The following CNPY3 variants were observed in gnomAD, a reference collection of about 807,000 sequenced individuals.
CNPY3 encodes the protein canopy FGF signaling regulator 3.
In CNPY3, 20 loss-of-function variants were observed where a neutral mutation model predicts 32.0. The ratio of observed to expected loss-of-function variants is 0.63; its 90% confidence interval spans 0.44 to 0.91. CNPY3 has a LOEUF of 0.91. CNPY3 is among the 40% of genes least tolerant of loss of function. The pLI is 0.00. For synonymous variants in CNPY3, 138 were observed against 142.9 expected, an observed-to-expected ratio of 0.97 and a Z score of 0.24; for missense variants, 299 against 340.8, an observed-to-expected ratio of 0.88 and a Z score of 0.97.
chr6:42,935,581 C>T lies in CNPY3; in HGVS notation c.283C>T (p.Arg95Trp), dbSNP rs1430096184. The stretch of plus-strand genomic sequence containing the variant: ...ATCCTCCTGTCTTGGCAGGGACTTG[C>T]GGTTAATCGAAGTCACTGAGACCAT... ...SGVKYTKSDL[R>W]LIEVTETICK... The change falls in exon 3 of 6, where the codon CGG becomes TGG. Residue 95 changes from arginine to tryptophan, a missense_variant. Coordinates refer to ENST00000372836, the MANE Select transcript of CNPY3 (RefSeq NM_006586.5). 2.5e-6 allele frequency: 4 copies of T among 1,608,012 alleles called. No individual in the cohort carries two copies. Among genetic ancestry groups the T allele is most frequent in the Non-Finnish European group, 3.4e-6 (4 of 1,175,158 alleles).
chr6:42,930,922 C>T (rs188627985), intron 1 of CNPY3, among the ~76,000 whole-genome samples: 1 of 151,918 alleles, frequency 6.6e-6, no homozygotes, highest in African/African-American at 2.4e-5. Flanking sequence ...GACTGTCTGG[C>T]TCTGTTGCCC....
chr6:42,932,627 G>A (rs1767912287), intron 1 of CNPY3, among the ~76,000 whole-genome samples: 1 of 152,216 alleles, frequency 6.6e-6, no homozygotes, highest in Non-Finnish European at 1.5e-5. Flanking sequence ...GGAGGGGCAA[G>A]TGGTGCTAGA....
chr6:42,935,583 G>C lies in CNPY3; in HGVS notation c.285G>C (p.Arg95=). The part of the protein sequence containing the change: ...SGVKYTKSDL[R]LIEVTETICK... The stretch of plus-strand genomic sequence containing the variant: ...CCTCCTGTCTTGGCAGGGACTTGCG[G>C]TTAATCGAAGTCACTGAGACCATTT... Residue 95 remains arginine, a synonymous_variant, in exon 3 of 6, where the codon CGG becomes CGC. Transcript: ENST00000372836. 6.2e-7 allele frequency: 1 copy of C among 1,608,742 alleles called. No individual in the cohort carries two copies. The highest frequency in any genetic ancestry group is 8.5e-7 in the Non-Finnish European group (1 of 1,175,586).
chr6:42,931,034 C>T (rs1049253409), intron 1 of CNPY3, among the ~76,000 whole-genome samples: 2 of 151,836 alleles, frequency 1.3e-5, no homozygotes, highest in Admixed American at 6.6e-5. Flanking sequence ...GGATTACAGG[C>T]GCATGCCACC....
In CNPY3 at chr6:42,938,565, T is replaced by C. The variant is rs1193492235; in HGVS notation, c.614-3T>C. ...TTGAGGGTCTCTCTCCTCCACACCCTAGGTTGCCTGGCAGAGCAGTGGTCC... is the reference window on the plus strand; with the variant it reads ...TTGAGGGTCTCTCTCCTCCACACCCCAGGTTGCCTGGCAGAGCAGTGGTCC... On this transcript the variant is annotated splice_polypyrimidine_tract_variant and splice_region_variant and intron_variant, in intron 5 of 5. Coordinates refer to ENST00000372836, the MANE Select transcript of CNPY3 (RefSeq NM_006586.5). The C allele has an allele frequency of 2.5e-6, 4 of 1,575,640 alleles. No individual in the cohort carries two copies. The highest frequency in any genetic ancestry group is 3.4e-6 in the Non-Finnish European group (4 of 1,159,688).
upstream of CNPY3, chr6:42,929,183 C>A (rs1767555351): frequency 1.8e-5 from 3 of 171,360 alleles, no homozygotes; most frequent in Non-Finnish European, 3.6e-5. Flanking sequence ...CTGAATCCGT[C>A]CCACCCAGGC....
At position 42,929,616 on chromosome 6, in the gene CNPY3, C is replaced by T. The variant is rs1222563565; in HGVS notation, c.46C>T (p.Pro16Ser). ...CGCGTCCCGCTGTCTTCTGCTTCTTCCCTTGCTGCTGCTGCTGCTGCTGCT... is the reference window on the plus strand; with the variant it reads ...CGCGTCCCGCTGTCTTCTGCTTCTTTCCTTGCTGCTGCTGCTGCTGCTGCT... Reference protein sequence around the residue: ...EPASRCLLLLPLLLLLLLLLP... With the variant: ...EPASRCLLLLSLLLLLLLLLP... Residue 16 changes from proline to serine, a missense_variant, in exon 1 of 6, where the codon CCC becomes TCC. Transcript: ENST00000372836. The T allele has an allele frequency of 4.5e-6, 7 of 1,567,580 alleles. No homozygotes were observed. The highest frequency in any genetic ancestry group is 5.2e-6 in the Non-Finnish European group (6 of 1,157,170).
chr6:42,931,605 C>T (rs372542218), intron 1 of CNPY3, among the ~76,000 whole-genome samples: 33 of 152,218 alleles, frequency 2.2e-4, no homozygotes, highest in African/African-American at 5.8e-4. Context: ...GGGTGATCCA[C>T]CCACCTTAGC....
In CNPY3 at chr6:42,939,239, A is replaced by C. The variant is rs774735762; in HGVS notation, c.*448A>C. ...TCTGCCTGGCCCTTCCCAGAGCCCA[A>C]AGAGTAAAAATGTTCTGGTTCTGAT... On this transcript the variant is annotated 3_prime_UTR_variant, in exon 6 of 6. Transcript: ENST00000372836. The C allele has an allele frequency of 2.0e-5, 20 of 990,280 alleles. 1 individual carries two copies. Among genetic ancestry groups the C allele is most frequent in the Admixed American group, 6.1e-5 (1 of 16,440 alleles). 61.3% of individuals were successfully genotyped at this position (990,280 alleles called of 1,614,324 possible).
At position 42,938,957 on chromosome 6, in the gene CNPY3, G is replaced by A. The variant is rs1030304629; in HGVS notation, c.*166G>A. Reference sequence around the variant, plus strand: ...CAAGCCCCAGGAAGAACTCAGAGCCGTCATGGGTAGCCCACGCCGTCCTTT... The same window carrying A: ...CAAGCCCCAGGAAGAACTCAGAGCCATCATGGGTAGCCCACGCCGTCCTTT... On this transcript the variant is annotated 3_prime_UTR_variant, in exon 6 of 6. Coordinates refer to ENST00000372836, the MANE Select transcript of CNPY3 (RefSeq NM_006586.5). 47 of 1,408,522 alleles carry A rather than the reference G, an allele frequency of 3.3e-5. No individual in the cohort carries two copies. The East Asian group carries it at 4.2e-4, about 12-fold the overall frequency. 87.3% of individuals were successfully genotyped at this position (1,408,522 alleles called of 1,614,324 possible). A position where few individuals can be genotyped will look rare whatever the true frequency, so the allele number is the denominator to read the frequency against.
At position 42,930,655 on chromosome 6, in the gene CNPY3, A is replaced by T. The variant is rs546046086; in HGVS notation, c.151+934A>T. On this transcript the variant is annotated intron_variant, in intron 1 of 5. Coordinates refer to ENST00000372836, the MANE Select transcript of CNPY3 (RefSeq NM_006586.5). ...ACCTTACAGTCATGCCTGCCTTCCT[A>T]GCCCCGTAACCCCAGGGCCCCCAGA... 2.0e-5 allele frequency among the ~76,000 whole-genome samples: 3 copies of T among 152,170 alleles called. No individual in the cohort carries two copies. In the East Asian group the frequency reaches 5.8e-4, roughly 29 times the overall value.
At chr6:42,934,631 C>T (rs367900204) in intron 2 of CNPY3, 33 bp downstream of exon 2, 13 of 1,611,940 alleles carry the variant, frequency 8.1e-6, no homozygotes, top group Admixed American at 1.7e-5. Flanking sequence ...GCCTGGCCTG[C>T]GTTGCTGCTG....
In CNPY3 at chr6:42,929,604, C is replaced by G. The variant is rs764751171; in HGVS notation, c.34C>G (p.Leu12Val). 6.4e-7 allele frequency: 1 copy of G among 1,569,864 alleles called. No homozygotes were observed. Among genetic ancestry groups the G allele is most frequent in the South Asian group, 1.2e-5 (1 of 86,238 alleles). Residue 12 changes from leucine to valine, a missense_variant, in exon 1 of 6, where the codon CTT becomes GTT. Leu to Val is a conservative substitution (Grantham distance 32). Coordinates refer to ENST00000372836, the MANE Select transcript of CNPY3 (RefSeq NM_006586.5). ...DSMPEPASRC[L>V]LLLPLLLLLL... The stretch of plus-strand genomic sequence containing the variant: ...AATGCCTGAGCCCGCGTCCCGCTGT[C>G]TTCTGCTTCTTCCCTTGCTGCTGCT...
intron 1 of CNPY3, 86 bp from the exon 2 acceptor site, chr6:42,934,389 A>G: frequency 1.3e-6 from 2 of 1,558,554 alleles, no homozygotes; most frequent in Non-Finnish European, 1.8e-6. Flanking sequence ...CTAGGAAAGG[A>G]TGCCCACCTG....
At chr6:42,929,016 G>C (rs1203737615), upstream of CNPY3, among the ~76,000 whole-genome samples, 1 of 152,042 alleles carries the variant, frequency 6.6e-6, no homozygotes, top group African/African-American at 2.4e-5. Context: ...GCCTACAAGA[G>C]TGCCCGGCTA....
chr6:42,938,242 G>A (rs375592075), intron 5 of CNPY3, 35 bp downstream of exon 5: 4 of 1,528,996 alleles, frequency 2.6e-6, no homozygotes, highest in African/African-American at 1.4e-5. Context: ...GCTGGCTCTG[G>A]ATGATTTGTT....
chr6:42,928,937 A>G (rs1349713510), upstream of CNPY3, among the ~76,000 whole-genome samples: 1 of 152,228 alleles, frequency 6.6e-6, no homozygotes, highest in African/African-American at 2.4e-5. Flanking sequence ...TCACTAGGAC[A>G]AATCTACTGG....
intron 1 of CNPY3, among the ~76,000 whole-genome samples, chr6:42,931,953 C>T (rs1055193204): frequency 2.6e-5 from 4 of 151,890 alleles, no homozygotes; most frequent in African/African-American, 7.3e-5. Flanking sequence ...GAACTCCTGA[C>T]CTCAGGTGAT....
Position 42,929,844 on chromosome 6 carries a change from C to T in CNPY3, c.151+123C>T, listed in dbSNP as rs555373053. The T allele has an allele frequency of 9.5e-5, 111 of 1,173,324 alleles. No homozygotes were observed. In the East Asian group the frequency reaches 2.7e-3, roughly 28 times the overall value. 72.7% of individuals were successfully genotyped at this position (1,173,324 alleles called of 1,614,324 possible). Reference sequence around the variant, plus strand: ...CTGCAGGGTGTCTTCCTTCCTTGAACAGGCTTGCGCCGGGACGCTGCGGCG... The same window carrying T: ...CTGCAGGGTGTCTTCCTTCCTTGAATAGGCTTGCGCCGGGACGCTGCGGCG... On this transcript the variant is annotated intron_variant, in intron 1 of 5. Coordinates refer to ENST00000372836, the MANE Select transcript of CNPY3 (RefSeq NM_006586.5).
Sources: allele counts gnomAD v4.1 joint callset (sites outside exome capture counted in the v4.1 genomes callset), GRCh38; gene constraint gnomAD v4.1.1; transcripts MANE v1.5; gene names NCBI Gene and HGNC (gene_info 2026-07-23, HGNC 2026-07-21).